ZDHHC11: variants seen among roughly 807,000 people sequenced by gnomAD.
ZDHHC11 encodes the protein zDHHC palmitoyltransferase 11.
Under a neutral mutation model 51.3 loss-of-function variants are expected in ZDHHC11, and 44 were observed. The observed-to-expected ratio is 0.86, with a 90% CI of 0.67 to 1.10. The LOEUF is 1.10. Ranked by LOEUF, ZDHHC11 falls within the 50% of genes least tolerant of loss-of-function variation. The probability of loss-of-function intolerance (pLI) is 0.00; values close to 1 mark genes in which losing one functional copy is unlikely to be tolerated. For missense variants in ZDHHC11, 400 were observed against 537.7 expected (o/e 0.74, Z 2.53); for synonymous variants, 163 against 222.0 (o/e 0.73, Z 2.36).
rs1046902860 is a variant in ZDHHC11, at chr5:815,656, C to G, written c.1147-861G>C. ...AGAGTGTTGGGTCATATCATAAGTA[C>G]CTACTCAGCATCAGAAGCTTTGCCA... On this transcript the variant is annotated intron_variant, in intron 10 of 12. Transcript: ENST00000283441. Among the ~76,000 whole-genome samples the G allele has an allele frequency of 2.0e-5, 3 of 151,450 alleles. 1 individual carries two copies. Among genetic ancestry groups the G allele is most frequent in the African/African-American group, 7.3e-5 (3 of 41,296 alleles).
At chr5:816,580 A>C in intron 10 of ZDHHC11, 1 of 617,276 alleles carries the variant, frequency 1.6e-6, no homozygotes, top group Non-Finnish European at 3.1e-6. Flanking sequence ...ATTTTTGTCT[A>C]ATTGACGGTC....
chr5:836,242 A>C (rs1020278056), intron 6 of ZDHHC11, among the ~76,000 whole-genome samples: 1 of 150,306 alleles, frequency 6.7e-6, no homozygotes, highest in Non-Finnish European at 1.5e-5. Flanking sequence ...CTTGCTGTTA[A>C]CAAACCCTTT....
chr5:823,304 G>A (rs1328124672), intron 8 of ZDHHC11: 1 of 150,826 alleles, frequency 6.6e-6, no homozygotes, highest in Non-Finnish European at 1.5e-5. Context: ...GTGGGACTGA[G>A]CTGTGTGTGT....
upstream of ZDHHC11, among the ~76,000 whole-genome samples, chr5:851,820 C>T (rs1418403255): frequency 2.6e-5 from 4 of 152,212 alleles, no homozygotes; most frequent in African/African-American, 9.6e-5. Context: ...CTGTGGGAAG[C>T]CGAGGCGTGC....
intron 12 of ZDHHC11, among the ~76,000 whole-genome samples, chr5:800,814 T>C (rs1210447106): frequency 2.0e-5 from 3 of 151,328 alleles, no homozygotes; most frequent in African/African-American, 7.3e-5. Context: ...TAATTCTTAG[T>C]TTAGACTTAA....
At chr5:815,767 G>C (rs957866584) in intron 10 of ZDHHC11, among the ~76,000 whole-genome samples, 9 of 151,448 alleles carry the variant, frequency 5.9e-5, no homozygotes, top group Non-Finnish European at 3.0e-5. Flanking sequence ...CCAACACTTG[G>C]TATTGTTCAT....
At chr5:798,662 C>T (rs1737950982) in intron 12 of ZDHHC11, among the ~76,000 whole-genome samples, 1 of 150,064 alleles carries the variant, frequency 6.7e-6, no homozygotes, top group African/African-American at 2.4e-5. Flanking sequence ...TGACTGACTC[C>T]TACACCACAG....
At chr5:857,995 T>TC (rs543476364) in intron 1 of ZDHHC11, among the ~76,000 whole-genome samples, 22 of 118,982 alleles carry the variant, frequency 1.8e-4, no homozygotes, top group East Asian at 1.4e-3. Flanking sequence ...GACACCGTGG[T>TC]CCCCCGGGTC....
intron 11 of ZDHHC11, 44 bp downstream of exon 11, chr5:814,717 G>C: frequency 1.3e-6 from 2 of 1,524,254 alleles, no homozygotes; most frequent in South Asian, 1.3e-5. Flanking sequence ...GTTCAGGCAA[G>C]TGTAGAGACA....
Position 796,352 on chromosome 5 carries a change from T to C in ZDHHC11, c.*236A>G. On this transcript the variant is annotated 3_prime_UTR_variant, in exon 13 of 13. Transcript: ENST00000283441. ...GGAGATGTAAACCCTCCTGCAAGGC[T>C]GGCTCTTCTTTGGGTGTGATGAAGA... 1 of 153,026 alleles carries C rather than the reference T, an allele frequency of 6.5e-6. No individual in the cohort carries two copies. Among genetic ancestry groups the C allele is most frequent in the Non-Finnish European group, 1.5e-5 (1 of 67,706 alleles). 9.5% of individuals were successfully genotyped at this position (153,026 alleles called of 1,614,324 possible).
upstream of ZDHHC11, among the ~76,000 whole-genome samples, chr5:860,449 A>C (rs878961499): frequency 6.6e-6 from 1 of 152,208 alleles, no homozygotes; most frequent in Admixed American, 6.5e-5. This position sits in a 1 kb window ranked among gnomAD's most constrained non-coding sequence, Gnocchi z 4.2. Flanking sequence ...ATGCTGTCTA[A>C]AGATTGAGGC....
rs531273568 is a variant in ZDHHC11 at position 814,884 on chromosome 5, T to C, written c.1147-89A>G. 1.2e-3 allele frequency: 1,503 copies of C among 1,302,792 alleles called. 15 individuals are homozygous for C. The African/African-American group carries it at 0.02, about 18-fold the overall frequency. The allele number at this position is 1,302,792 out of a possible 1,614,324, so 80.7% of individuals were successfully genotyped here. A position where few individuals can be genotyped will look rare whatever the true frequency, so the allele number is the denominator to read the frequency against. ...TCTTAAAATTCAAGTTCATTACTAG[T>C]CAGTTCTGAGTAATGGTACTTCAAG... On this transcript the variant is annotated intron_variant, in intron 10 of 12. Transcript: ENST00000283441.
intron 11 of ZDHHC11, among the ~76,000 whole-genome samples, chr5:804,763 T>A (rs1341117494): frequency 6.6e-6 from 1 of 151,262 alleles, no homozygotes; most frequent in African/African-American, 2.4e-5. Context: ...GACAAATCTA[T>A]CCTTCCAGAA....
intron 11 of ZDHHC11, among the ~76,000 whole-genome samples, chr5:804,492 C>T (rs535749150): frequency 1.3e-5 from 2 of 151,108 alleles, no homozygotes; most frequent in East Asian, 1.9e-4. Context: ...ATCTACACAT[C>T]CAAGGAGCTC....
chr5:831,718 G>A (rs1743106151), intron 7 of ZDHHC11, among the ~76,000 whole-genome samples: 2 of 150,414 alleles, frequency 1.3e-5, no homozygotes, highest in South Asian at 4.2e-4. Flanking sequence ...CTAATTAACA[G>A]GGAAATGCAA....
At chr5:824,942 G>A (rs1436164471) in intron 8 of ZDHHC11, among the ~76,000 whole-genome samples, 3 of 151,362 alleles carry the variant, frequency 2.0e-5, no homozygotes, top group Admixed American at 6.6e-5. Flanking sequence ...CTCCCACTTT[G>A]GTACCCATCT....
At chr5:859,216 GC>G (rs1174151315), upstream of ZDHHC11, among the ~76,000 whole-genome samples, 1 of 152,060 alleles carries the variant, frequency 6.6e-6, no homozygotes, top group Non-Finnish European at 1.5e-5. Context: ...GCTTGGATGG[GC>G]CCCAATGCCT....
At chr5:837,524 G>A (rs367601829) in intron 5 of ZDHHC11, 44 bp from the exon 6 acceptor site, 15 of 1,588,192 alleles carry the variant, frequency 9.4e-6, no homozygotes, top group South Asian at 7.7e-5. Flanking sequence ...CCAGCCCTGC[G>A]GCTTTGCACG....
chr5:810,734 G>A (rs1330525491), intron 11 of ZDHHC11, among the ~76,000 whole-genome samples: 5 of 151,346 alleles, frequency 3.3e-5, no homozygotes, highest in African/African-American at 1.2e-4. Context: ...CTTATCGCCT[G>A]TTGCATCTAG....
Sources: gnomAD v4.1 joint callset for allele counts (sites outside exome capture counted in the v4.1 genomes callset) on GRCh38, gnomAD v4.1.1 for gene constraint, Gnocchi (gnomAD v3.1) non-coding constraint, MANE v1.5 for transcripts, NCBI Gene and HGNC (gene_info 2026-07-23, HGNC 2026-07-21) for gene names.